Variants in TCERG1 observed in about 807,000 individuals in gnomAD.
TCERG1 encodes TATA box binding protein (TBP)-associated factor, RNA polymerase II, S, 150kD.
A neutral mutation model predicts 144.7 loss-of-function variants in TCERG1; 37 were observed. That is an observed-to-expected ratio of 0.26 (90% CI 0.20 to 0.34). The LOEUF is 0.34. TCERG1 is among the 10% of genes least tolerant of loss of function. TCERG1 has a pLI of 1.00. For missense variants in TCERG1, 1,027 were observed against 1,380.7 expected, an observed-to-expected ratio of 0.74 and a Z score of 4.06; for synonymous variants, 492 against 458.2, an observed-to-expected ratio of 1.07 and a Z score of -0.94.
At chr5:146,509,349 A>G (rs1054282698) in intron 22 of TCERG1, 104 bp downstream of exon 22, 8 of 751,466 alleles carry the variant, frequency 1.1e-5, no homozygotes, top group Non-Finnish European at 1.7e-5. Flanking sequence ...GACATTATTA[A>G]TTTTTAGGGA....
intron 1 of TCERG1, among the ~76,000 whole-genome samples, chr5:146,451,454 C>T (rs1401221879): frequency 1.3e-5 from 2 of 151,690 alleles, no homozygotes; most frequent in East Asian, 3.9e-4. Context: ...TCTTGAGTAG[C>T]TGGGATTACA....
Position 146,463,650 on chromosome 5 carries a change from C to CCGT in TCERG1, c.993_995dup (p.Val332dup). 2 of 1,614,196 alleles carry CCGT rather than the reference C, an allele frequency of 1.2e-6. No homozygotes were observed. The stretch of plus-strand genomic sequence containing the variant: ...GCTCCTACAGCCACACCTGTGCAAA[C>CCGT]CGTTCCCCAGCCGCACCCTCAGACG... On this transcript the variant is annotated inframe_insertion, in exon 5 of 23. Transcript: ENST00000679501.
chr5:146,484,520 A>G lies in TCERG1; in HGVS notation c.2163+891A>G, dbSNP rs76752230. On this transcript the variant is annotated intron_variant, in intron 15 of 22. Coordinates refer to ENST00000679501, the MANE Select transcript of TCERG1 (RefSeq NM_001382548.1). ...AATTCTTCACATGGTGTGTACCATT[A>G]TGCATGTAGGTCTAATCATGGACTT... 3.7e-4 allele frequency among the ~76,000 whole-genome samples: 57 copies of G among 152,340 alleles called. 1 individual carries two copies. The East Asian group carries it at 8.3e-3, about 22-fold the overall frequency.
In TCERG1 at chr5:146,507,609, T is replaced by C. The variant is rs529552036; in HGVS notation, c.2962-264T>C. Reference sequence around the variant, plus strand: ...TTGGTGATGGTTTCTTCAGAAGTTATGATGTTTGCCCATGTAAATACAGGG... The same window carrying C: ...TTGGTGATGGTTTCTTCAGAAGTTACGATGTTTGCCCATGTAAATACAGGG... On this transcript the variant is annotated intron_variant, in intron 20 of 22. Transcript: ENST00000679501. The surrounding 1 kb of genome is among the most constrained non-coding windows in gnomAD (Gnocchi z 4.6). 4 of 353,228 alleles carry C rather than the reference T, an allele frequency of 1.1e-5. No homozygotes were observed. The highest frequency in any genetic ancestry group is 4.6e-5 in the Admixed American group (1 of 21,548). 21.9% of individuals were successfully genotyped at this position (353,228 alleles called of 1,614,324 possible).
At chr5:146,492,710 G>C (rs571988045) in intron 15 of TCERG1, among the ~76,000 whole-genome samples, 241 of 152,144 alleles carry the variant, frequency 1.6e-3, no homozygotes, top group African/African-American at 5.7e-3. Context: ...GTTTTCTTTT[G>C]TTCTTGAAGC....
In TCERG1 at chr5:146,470,949, T is replaced by C. The variant is rs180946083; in HGVS notation, c.1512+201T>C. ...ACTTCTTGTACTAAACTGAGATCCA[T>C]AGAAAGACAGGGCCTTGGACCAGAG... is the stretch of plus-strand genomic sequence containing the variant. On this transcript the variant is annotated intron_variant, in intron 8 of 22. Coordinates refer to ENST00000679501, the MANE Select transcript of TCERG1 (RefSeq NM_001382548.1). Among the ~76,000 whole-genome samples, 10 of 152,344 alleles carry C rather than the reference T, an allele frequency of 6.6e-5. No individual in the cohort carries two copies. The East Asian group carries it at 1.9e-3, about 29-fold the overall frequency.
chr5:146,505,965 T>C (rs1014696437), intron 19 of TCERG1, among the ~76,000 whole-genome samples: 2 of 151,924 alleles, frequency 1.3e-5, no homozygotes, highest in African/African-American at 4.8e-5. Flanking sequence ...TTAGTAGAAA[T>C]GGGGTTTCGC....
intron 10 of TCERG1, among the ~76,000 whole-genome samples, chr5:146,479,172 AT>A (rs1366765246): frequency 6.6e-6 from 1 of 152,082 alleles, no homozygotes; most frequent in Non-Finnish European, 1.5e-5. Context: ...GAGTACAGAT[AT>A]TTGTACGTAA....
chr5:146,494,776 A>G (rs1766732589), intron 16 of TCERG1, among the ~76,000 whole-genome samples: 1 of 152,138 alleles, frequency 6.6e-6, no homozygotes, highest in African/African-American at 2.4e-5. Context: ...AAAGGGGGAA[A>G]TTACTGAACT....
At chr5:146,482,485 A>G in intron 13 of TCERG1, 107 bp from the exon 14 acceptor site, 1 of 1,113,856 alleles carries the variant, frequency 9.0e-7, no homozygotes, top group African/African-American at 1.6e-5. Flanking sequence ...TGCCAAAAAT[A>G]TGCTGCTCAG....
chr5:146,510,294 T>C (rs183958653), intron 22 of TCERG1, 147 bp from the exon 23 acceptor site: 4 of 712,412 alleles, frequency 5.6e-6, no homozygotes, highest in South Asian at 4.1e-5. Flanking sequence ...CTTACAAAGG[T>C]GACCACTGCC....
chr5:146,455,303 A>G, intron 2 of TCERG1, 22 bp downstream of exon 2: 2 of 1,611,652 alleles, frequency 1.2e-6, no homozygotes, highest in East Asian at 2.2e-5. Context: ...AGAGGTTGCC[A>G]TTTCTTTGTT....
intron 5 of TCERG1, among the ~76,000 whole-genome samples, chr5:146,466,002 A>G (rs1018638397): frequency 1.1e-4 from 16 of 150,022 alleles, no homozygotes; most frequent in South Asian, 2.1e-4. Context: ...CCTGGGCAAC[A>G]AGAGCGAAAC....
At chr5:146,483,879 G>GTGTA (rs1765583092) in intron 15 of TCERG1, among the ~76,000 whole-genome samples, 1 of 152,032 alleles carries the variant, frequency 6.6e-6, no homozygotes, top group African/African-American at 2.4e-5. Flanking sequence ...CCTAGGTTAT[G>GTGTA]TGTAGTATGG....
In TCERG1 at chr5:146,459,227, C is replaced by A; in HGVS notation, c.782C>A (p.Pro261His). 1 of 1,614,278 alleles carries A rather than the reference C, an allele frequency of 6.2e-7. No individual in the cohort carries two copies. Among genetic ancestry groups the A allele is most frequent in the Non-Finnish European group, 8.5e-7 (1 of 1,180,048 alleles). ...GCACAAGCAGTTGGAGCTTCCACCC[C>A]TACGACCAGTAGCCCAGCACCTGCA... ...VQAQAVGAST[P>H]TTSSPAPAVS... Residue 261 changes from proline (P) to histidine (H), a missense_variant, in exon 4 of 23, where the codon CCT (proline) becomes CAT (histidine). Pro to His is a moderately conservative substitution (Grantham distance 77). Transcript: ENST00000679501.
chr5:146,471,267 C>T (rs73309446), intron 8 of TCERG1, among the ~76,000 whole-genome samples: 11,623 of 152,214 alleles, frequency 0.076, 487 homozygotes, highest in Middle Eastern at 0.12. Context: ...GTTAGTGAGT[C>T]TATAAGATAG....
At chr5:146,450,822 A>G (rs1161527373) in intron 1 of TCERG1, among the ~76,000 whole-genome samples, 2 of 152,238 alleles carry the variant, frequency 1.3e-5, no homozygotes, top group Non-Finnish European at 2.9e-5. Context: ...AAACACTGCT[A>G]GGTTTTGTGG....
intron 1 of TCERG1, among the ~76,000 whole-genome samples, chr5:146,450,962 G>C (rs1460709168): frequency 6.6e-6 from 1 of 152,172 alleles, no homozygotes; most frequent in African/African-American, 2.4e-5. Context: ...TCACATCTGA[G>C]GAAACTCAAG....
chr5:146,472,807 G>A (rs1322038707), intron 9 of TCERG1, among the ~76,000 whole-genome samples: 4 of 151,866 alleles, frequency 2.6e-5, no homozygotes, highest in African/African-American at 7.3e-5. Flanking sequence ...TCCGCCTCCT[G>A]GGTTCAAGCG....
Sources: gnomAD v4.1 joint callset for allele counts (sites outside exome capture counted in the v4.1 genomes callset) on GRCh38, gnomAD v4.1.1 for gene constraint, Gnocchi (gnomAD v3.1) non-coding constraint, MANE v1.5 for transcripts, NCBI Gene and HGNC (gene_info 2026-07-23, HGNC 2026-07-21) for gene names.